SCFD1: variants seen among roughly 807,000 people sequenced by gnomAD.
The protein encoded by SCFD1 is sec1 family domain-containing protein 1.
In SCFD1, 37 loss-of-function variants were observed where a neutral mutation model predicts 103.2. The observed-to-expected ratio is 0.36, with a 90% CI of 0.28 to 0.47. The LOEUF (loss-of-function observed/expected upper bound fraction) is 0.47. SCFD1 is among the 20% of genes least tolerant of loss of function. The pLI, the probability that SCFD1 is intolerant of heterozygous loss-of-function variation, is 1.00. For synonymous variants in SCFD1, 264 were observed against 245.0 expected, an observed-to-expected ratio of 1.08 and a Z score of -0.73; for missense variants, 639 against 761.2, an observed-to-expected ratio of 0.84 and a Z score of 1.89.
At chr14:30,631,338 G>A (rs1884104388) in intron 3 of SCFD1, among the ~76,000 whole-genome samples, 1 of 151,970 alleles carries the variant, frequency 6.6e-6, no homozygotes, top group Non-Finnish European at 1.5e-5. Flanking sequence ...GGGCAAAAGA[G>A]CAAGACTCTG....
At chr14:30,631,606 T>C (rs955151897) in intron 3 of SCFD1, among the ~76,000 whole-genome samples, 2 of 152,194 alleles carry the variant, frequency 1.3e-5, no homozygotes, top group African/African-American at 4.8e-5. Context: ...ATGAAAAATT[T>C]AAGTGACTAT....
At chr14:30,704,533 T>G (rs1891336952) in intron 17 of SCFD1, among the ~76,000 whole-genome samples, 1 of 152,220 alleles carries the variant, frequency 6.6e-6, no homozygotes, top group Admixed American at 6.5e-5. Context: ...TTTTTGTTGT[T>G]GTTGTTAATG....
intron 4 of SCFD1, among the ~76,000 whole-genome samples, chr14:30,637,310 T>A (rs1345103682): frequency 6.6e-6 from 1 of 152,098 alleles, no homozygotes; most frequent in Non-Finnish European, 1.5e-5. Flanking sequence ...TGTAACTCCT[T>A]TCTCAGAGTG....
At chr14:30,715,890 ATAT>A (rs753064122) in intron 19 of SCFD1, 31 bp from the exon 20 acceptor site, 1 of 1,247,010 alleles carries the variant, frequency 8.0e-7, no homozygotes. Flanking sequence ...CTTTGGTTTA[ATAT>A]TCTAATATTT....
intron 14 of SCFD1, among the ~76,000 whole-genome samples, chr14:30,680,424 A>G (rs8012029): frequency 0.037 from 5,578 of 152,206 alleles, 330 homozygotes; most frequent in African/African-American, 0.12. Flanking sequence ...ATATTCCCAC[A>G]TTCTACAGAG....
At chr14:30,681,135 T>G (rs1889436098) in intron 14 of SCFD1, among the ~76,000 whole-genome samples, 1 of 151,558 alleles carries the variant, frequency 6.6e-6, no homozygotes, top group Non-Finnish European at 1.5e-5. Context: ...GCATGAGAAT[T>G]GCTTGAACCT....
chr14:30,652,612 C>CT (rs1451530881), intron 9 of SCFD1, among the ~76,000 whole-genome samples: 1 of 151,966 alleles, frequency 6.6e-6, no homozygotes, highest in Non-Finnish European at 1.5e-5. Flanking sequence ...TCCTTATTGC[C>CT]TTTTTTTACA....
intron 23 of SCFD1, among the ~76,000 whole-genome samples, chr14:30,725,948 A>T (rs2139425745): frequency 6.6e-6 from 1 of 152,322 alleles, no homozygotes; most frequent in East Asian, 1.9e-4. Flanking sequence ...GACTATATTC[A>T]TCACTAGTTA....
At chr14:30,702,500 G>A in intron 17 of SCFD1, 125 bp downstream of exon 17, 1 of 518,542 alleles carries the variant, frequency 1.9e-6, no homozygotes, top group Non-Finnish European at 3.4e-6. Flanking sequence ...TATATCCAGT[G>A]GCATAAATAT....
At chr14:30,639,172 C>A (rs1280102506) in intron 5 of SCFD1, among the ~76,000 whole-genome samples, 1 of 152,100 alleles carries the variant, frequency 6.6e-6, no homozygotes, top group Non-Finnish European at 1.5e-5. Flanking sequence ...TACCACCCCA[C>A]CCAGCTAATT....
intron 21 of SCFD1, among the ~76,000 whole-genome samples, chr14:30,720,065 G>T (rs1892549956): frequency 1.3e-5 from 2 of 152,066 alleles, no homozygotes; most frequent in African/African-American, 4.8e-5. Context: ...CCTTATGTTT[G>T]GGATCTTCAG....
chr14:30,724,073 A>T (rs1224347828), intron 23 of SCFD1, among the ~76,000 whole-genome samples: 10 of 17,848 alleles, frequency 5.6e-4, no homozygotes, highest in Non-Finnish European at 1.0e-3. Flanking sequence ...CCAGTATCTT[A>T]AAAAAAAAAA....
At chr14:30,729,127 T>A (rs1261214474) in intron 23 of SCFD1, among the ~76,000 whole-genome samples, 2 of 152,162 alleles carry the variant, frequency 1.3e-5, no homozygotes, top group Non-Finnish European at 2.9e-5. Context: ...TAAGAATTCT[T>A]TATGTAATAT....
At chr14:30,642,925 C>A (rs774162430) in intron 6 of SCFD1, among the ~76,000 whole-genome samples, 3 of 151,918 alleles carry the variant, frequency 2.0e-5, no homozygotes, top group Non-Finnish European at 2.9e-5. Context: ...TAATTCCAGC[C>A]CTTTGGGAGG....
chr14:30,695,709 A>G (rs544211241), intron 15 of SCFD1, among the ~76,000 whole-genome samples: 199 of 152,134 alleles, frequency 1.3e-3, no homozygotes, highest in African/African-American at 4.6e-3. Context: ...TATACACACA[A>G]AAAATGAAGA....
At chr14:30,651,038 A>G (rs2139103551) in intron 9 of SCFD1, among the ~76,000 whole-genome samples, 1 of 152,204 alleles carries the variant, frequency 6.6e-6, no homozygotes, top group Non-Finnish European at 1.5e-5. Flanking sequence ...TAATAGCCTA[A>G]ACTTGAAAAA....
chr14:30,732,555 T>C (rs954715569), intron 23 of SCFD1, among the ~76,000 whole-genome samples: 1 of 152,182 alleles, frequency 6.6e-6, no homozygotes, highest in Non-Finnish European at 1.5e-5. Context: ...TCAGCCCTAT[T>C]AAGAAGGAAC....
At chr14:30,702,087 G>A (rs1212443699) in intron 16 of SCFD1, among the ~76,000 whole-genome samples, 1 of 152,144 alleles carries the variant, frequency 6.6e-6, no homozygotes, top group East Asian at 1.9e-4. Context: ...GGTGATTTGG[G>A]AGCCTCTTAA....
rs1278462720 is a variant in SCFD1, at chr14:30,656,369, T to C, written c.855+2781T>C. On this transcript the variant is annotated intron_variant, in intron 10 of 24. Transcript: ENST00000458591. Reference sequence around the variant, plus strand: ...AGATAAGAGCGTCCTGCAGGTGGCATTAGTGAGCACTGTGGACCAGGATTT... The same window carrying C: ...AGATAAGAGCGTCCTGCAGGTGGCACTAGTGAGCACTGTGGACCAGGATTT... Among the ~76,000 whole-genome samples the C allele has an allele frequency of 5.3e-5, 8 of 152,234 alleles. No homozygotes were observed. The East Asian group carries it at 1.5e-3, about 29-fold the overall frequency.
Sources: gnomAD v4.1 joint callset for allele counts (sites outside exome capture counted in the v4.1 genomes callset) on GRCh38, gnomAD v4.1.1 for gene constraint, MANE v1.5 for transcripts, NCBI Gene and HGNC (gene_info 2026-07-23, HGNC 2026-07-21) for gene names.